MYCBPAP: variants seen among roughly 807,000 people sequenced by gnomAD.
MYCBPAP encodes the protein MYCBP-associated protein.
MYCBPAP carries 60 observed loss-of-function variants against 106.1 expected under a neutral mutation model. The ratio of observed to expected loss-of-function variants is 0.57; its 90% CI spans 0.46 to 0.70. The LOEUF is 0.70. MYCBPAP is among the 30% of genes least tolerant of loss of function. MYCBPAP has a pLI of 0.00. For synonymous variants in MYCBPAP, 407 were observed against 440.6 expected, an observed-to-expected ratio of 0.92 and a Z score of 0.95; for missense variants, 1,064 against 1,169.3, an observed-to-expected ratio of 0.91 and a Z score of 1.31.
chr17:50,524,951 C>T lies in MYCBPAP; in HGVS notation c.1710C>T (p.Thr570=). 2.5e-6 allele frequency: 4 copies of T among 1,613,978 alleles called. No homozygotes were observed. Among genetic ancestry groups the T allele is most frequent in the Non-Finnish European group, 3.4e-6 (4 of 1,180,002 alleles). Residue 570 remains threonine, a synonymous_variant, in exon 13 of 19, where the codon ACC becomes ACT. Coordinates refer to ENST00000323776, the MANE Select transcript of MYCBPAP (RefSeq NM_032133.6). ...VLQELLMGVL[T]PERTPSPVDA... ...AGGAGCTGCTGATGGGGGTCTTGAC[C>T]CCGGAGCGCACACCATCACCTGTGG... is the stretch of plus-strand genomic sequence containing the variant.
Position 50,524,947 on chromosome 17 carries a change from TGACCCCG to T in MYCBPAP, c.1709_1715del (p.Thr570SerfsTer42). The T allele has an allele frequency of 6.2e-7, 1 of 1,613,976 alleles. No individual in the cohort carries two copies. Among genetic ancestry groups the T allele is most frequent in the Non-Finnish European group, 8.5e-7 (1 of 1,179,974 alleles). On this transcript the variant is annotated frameshift_variant, in exon 13 of 19. Transcript: ENST00000323776. LOFTEE classifies it high-confidence loss of function. Reference sequence around the variant, plus strand: ...CTGCAGGAGCTGCTGATGGGGGTCTTGACCCCGGAGCGCACACCATCACCTGTGGATG... The same window carrying T: ...CTGCAGGAGCTGCTGATGGGGGTCTTGAGCGCACACCATCACCTGTGGATG...
intron 18 of MYCBPAP, among the ~76,000 whole-genome samples, chr17:50,530,848 G>A (rs1453015593): frequency 1.3e-5 from 2 of 151,496 alleles, no homozygotes; most frequent in East Asian, 2.0e-4. Flanking sequence ...CTTAGCTCTA[G>A]TATCTCCATA....
chr17:50,514,326 C>A (rs1230636174), intron 1 of MYCBPAP, among the ~76,000 whole-genome samples: 6 of 152,184 alleles, frequency 3.9e-5, no homozygotes, highest in African/African-American at 1.4e-4. Flanking sequence ...GATATTGCCT[C>A]TTAAAGATTA....
At position 50,519,101 on chromosome 17, in the gene MYCBPAP, T is replaced by C. The variant is rs758857667; in HGVS notation, c.768+12T>C. On this transcript the variant is annotated intron_variant, in intron 6 of 18. Transcript: ENST00000323776. ...GGCGTGATAGGAAAGTGAGGCCACC[T>C]GTCCTAAGTGCCCGGGGGCAGGGGG... 1 of 1,508,332 alleles carries C rather than the reference T, an allele frequency of 6.6e-7. No individual in the cohort carries two copies. Among genetic ancestry groups the C allele is most frequent in the African/African-American group, 1.5e-5 (1 of 67,546 alleles). 93.4% of individuals were successfully genotyped at this position (1,508,332 alleles called of 1,614,324 possible). A position where few individuals can be genotyped will look rare whatever the true frequency, so the allele number is the denominator to read the frequency against.
Position 50,525,910 on chromosome 17 carries a change from C to A in MYCBPAP, c.1812C>A (p.Ser604Arg), listed in dbSNP as rs778265401. 6.2e-7 allele frequency: 1 copy of A among 1,611,872 alleles called. No homozygotes were observed. Among genetic ancestry groups the A allele is most frequent in the Admixed American group, 1.7e-5 (1 of 59,882 alleles). ...ATTATGAGCACCAAGTGGTGCAAAG[C>A]CTGCACCAACTGTGGCGCCAGTACA... The part of the protein sequence containing the change: ...PLHYEHQVVQ[S>R]LHQLWRQYMT... The change falls in exon 14 of 19, where the codon AGC (serine) becomes AGA (arginine). Residue 604 changes from serine to arginine, a missense_variant. Ser to Arg is a moderately radical substitution (Grantham distance 110). Transcript: ENST00000323776.
chr17:50,526,850 G>T (rs2034479932), intron 14 of MYCBPAP, among the ~76,000 whole-genome samples: 1 of 152,342 alleles, frequency 6.6e-6, no homozygotes, highest in Non-Finnish European at 1.5e-5. Context: ...CAAAGTGCTG[G>T]TGTTACAGGC....
chr17:50,525,125 A>T (rs1318326345), intron 13 of MYCBPAP, 102 bp downstream of exon 13: 1 of 1,395,634 alleles, frequency 7.2e-7, no homozygotes, highest in Non-Finnish European at 9.8e-7. Context: ...GTGAGCCAGC[A>T]TTACTGCCTG....
chr17:50,519,127 G>A (rs373484274), intron 6 of MYCBPAP, 38 bp downstream of exon 6: 9 of 1,306,782 alleles, frequency 6.9e-6, no homozygotes, highest in Middle Eastern at 1.9e-4. Context: ...GGGCAGGGGG[G>A]TCCATGGAGG....
At position 50,508,459 on chromosome 17, in the gene MYCBPAP, C is replaced by T. The variant is rs1010648134; in HGVS notation, c.-216C>T. 237 of 1,337,494 alleles carry T rather than the reference C, an allele frequency of 1.8e-4. No individual in the cohort carries two copies. The highest frequency in any genetic ancestry group is 2.5e-4 in the Middle Eastern group (1 of 3,930). 82.9% of individuals were successfully genotyped at this position (1,337,494 alleles called of 1,614,324 possible). On this transcript the variant is annotated 5_prime_UTR_variant, in exon 1 of 19. Transcript: ENST00000323776. ...CCCGCAGGGCTTTCTAGGGGTCCGT[C>T]GCTCTTGAAGCCGCCGGCGGCGGGC...
chr17:50,529,104 C>T lies in MYCBPAP; in HGVS notation c.2640C>T (p.Asp880=). Residue 880 remains aspartate, a synonymous_variant, in exon 18 of 19, where the codon GAC becomes GAT. Coordinates refer to ENST00000323776, the MANE Select transcript of MYCBPAP (RefSeq NM_032133.6). ...SASQDRFSLE[D]PTPDIILSSQ... is the part of the protein sequence containing the mutation. The stretch of plus-strand genomic sequence containing the variant: ...GTCAGGACAGGTTTTCTTTGGAAGA[C>T]CCTACCCCTGACATCATCCTCTCTT... 2 of 1,614,042 alleles carry T rather than the reference C, an allele frequency of 1.2e-6. No individual in the cohort carries two copies. The highest frequency in any genetic ancestry group is 2.2e-5 in the South Asian group (2 of 91,078).
chr17:50,527,225 C>A (rs2034490745), intron 14 of MYCBPAP, 62 bp from the exon 15 acceptor site: 3 of 1,602,288 alleles, frequency 1.9e-6, no homozygotes, highest in Admixed American at 1.7e-5. Flanking sequence ...CATCACCATG[C>A]CCTTCACTAG....
chr17:50,531,307 ATGT>A lies in MYCBPAP; in HGVS notation c.2725-16_2725-14del, dbSNP rs772978607. ...TCCCACAGAGTAAACTCTGCCTGTG[ATGT>A]TGTCCCGTTCTTCCAGGTCCGTGGG... On this transcript the variant is annotated splice_polypyrimidine_tract_variant and intron_variant, in intron 18 of 18. Transcript: ENST00000323776. 2 of 1,575,712 alleles carry A rather than the reference ATGT, an allele frequency of 1.3e-6. No individual in the cohort carries two copies. Among genetic ancestry groups the A allele is most frequent in the Non-Finnish European group, 1.7e-6 (2 of 1,150,624 alleles).
At position 50,508,575 on chromosome 17, in the gene MYCBPAP, C is replaced by T. The variant is rs1272153832; in HGVS notation, c.-100C>T. ...GCGCCCCCGCGCGGGGCACCGGTTG[C>T]TGTGGACGCAGTGGCGGCCGTTGGC... On this transcript the variant is annotated 5_prime_UTR_variant, in exon 1 of 19. Coordinates refer to ENST00000323776, the MANE Select transcript of MYCBPAP (RefSeq NM_032133.6). 1.9e-6 allele frequency: 3 copies of T among 1,551,708 alleles called. No homozygotes were observed. In the East Asian group the frequency reaches 7.3e-5, roughly 38 times the overall value.
chr17:50,508,998 C>T (rs1162250240), intron 1 of MYCBPAP: 1 of 702,630 alleles, frequency 1.4e-6, no homozygotes, highest in South Asian at 1.5e-5. Flanking sequence ...TCAGGGACCA[C>T]TGGCTGGGGA....
chr17:50,518,580 C>G lies in MYCBPAP; in HGVS notation c.508C>G (p.Leu170Val), dbSNP rs1447980358. Reference sequence around the variant, plus strand: ...ACCTACCTCACCCTGTCTGATGACCCTCATCTCTGCTGAAGGAGAGTCAAA... The same window carrying G: ...ACCTACCTCACCCTGTCTGATGACCGTCATCTCTGCTGAAGGAGAGTCAAA... The part of the protein sequence containing the change: ...RIPTSPCLMT[L>V]ISAEGESKQK... Residue 170 changes from leucine to valine, a missense_variant, in exon 5 of 19, where the codon CTC becomes GTC. Transcript: ENST00000323776. 1 of 1,604,222 alleles carries G rather than the reference C, an allele frequency of 6.2e-7. No individual in the cohort carries two copies. Among genetic ancestry groups the G allele is most frequent in the South Asian group, 1.1e-5 (1 of 89,738 alleles).
Position 50,524,737 on chromosome 17 carries a change from T to TGTGTGTGTGTGAGA in MYCBPAP, c.1636-139_1636-138insTGTGTGTGTGAGAG, listed in dbSNP as rs373928628. 1,286 of 463,440 alleles carry TGTGTGTGTGTGAGA rather than the reference T, an allele frequency of 2.8e-3. 7 individuals are homozygous for TGTGTGTGTGTGAGA. Among genetic ancestry groups the TGTGTGTGTGTGAGA allele is most frequent in the African/African-American group, 0.016 (635 of 40,466 alleles). 28.7% of individuals were successfully genotyped at this position (463,440 alleles called of 1,614,324 possible). On this transcript the variant is annotated intron_variant, in intron 12 of 18. Transcript: ENST00000323776. ...GTGTGTGTGTGTGTGTGTGTGTGTG[T>TGTGTGTGTGTGAGA]GAGAGAGAGAGAGAGAGAGAGACAA...
chr17:50,516,741 C>T, intron 2 of MYCBPAP, 44 bp downstream of exon 2: 1 of 1,610,218 alleles, frequency 6.2e-7, no homozygotes, highest in Non-Finnish European at 8.5e-7. Flanking sequence ...AAACGTTTCC[C>T]TGCCGGCAGC....
At chr17:50,517,978 T>A (rs916896784) in intron 4 of MYCBPAP, among the ~76,000 whole-genome samples, 6 of 152,174 alleles carry the variant, frequency 3.9e-5, no homozygotes, top group Admixed American at 2.0e-4. Flanking sequence ...CAAAAAGGCA[T>A]CAGGACTCAG....
intron 1 of MYCBPAP, among the ~76,000 whole-genome samples, chr17:50,514,037 A>T (rs982217862): frequency 6.6e-6 from 1 of 152,194 alleles, no homozygotes; most frequent in East Asian, 1.9e-4. Flanking sequence ...GGCTGAATTT[A>T]TTATTTTTTC....
Sources: gnomAD v4.1 joint callset for allele counts (sites outside exome capture counted in the v4.1 genomes callset) on GRCh38, gnomAD v4.1.1 for gene constraint, MANE v1.5 for transcripts, NCBI Gene and HGNC (gene_info 2026-07-23, HGNC 2026-07-21) for gene names.